Variants in EDARADD observed in about 807,000 individuals in gnomAD.
EDARADD encodes the protein EDAR associated via death domain.
EDARADD carries 20 observed loss-of-function variants against 25.6 expected under a neutral mutation model. The ratio of observed to expected loss-of-function variants is 0.78; its 90% CI spans 0.55 to 1.14. The LOEUF (loss-of-function observed/expected upper bound fraction) is 1.14, where lower values mean the gene tolerates loss of function less well. EDARADD is among the 50% of genes most tolerant of loss of function. EDARADD has a pLI of 0.00. For synonymous variants in EDARADD, 86 were observed against 94.4 expected, an observed-to-expected ratio of 0.91 and a Z score of 0.52; for missense variants, 225 against 270.1, an observed-to-expected ratio of 0.83 and a Z score of 1.17.
At chr1:236,405,881 CTTTCTTTCTTTCTTTCTTTCT>C (rs1667719809) in intron 1 of EDARADD, among the ~76,000 whole-genome samples, 4 of 34,432 alleles carry the variant, frequency 1.2e-4, no homozygotes, top group African/African-American at 3.7e-4. Flanking sequence ...TTCCTTCTTT[CTTTCTTTCTTTCTTTCTTTCT>C]TTCTTTCTTT....
chr1:236,365,414 G>A (rs1324397544), intron 3 of EDARADD, among the ~76,000 whole-genome samples: 1 of 152,122 alleles, frequency 6.6e-6, no homozygotes, highest in Non-Finnish European at 1.5e-5. Context: ...TCCAGCCTTG[G>A]CTTCCCAAAG....
At chr1:236,437,990 C>T (rs190504113) in intron 4 of EDARADD, among the ~76,000 whole-genome samples, 2 of 152,240 alleles carry the variant, frequency 1.3e-5, no homozygotes, top group Admixed American at 1.3e-4. Flanking sequence ...TCAGGTGATC[C>T]GCCCACCTTG....
intron 5 of EDARADD, among the ~76,000 whole-genome samples, chr1:236,476,689 C>A (rs1051332904): frequency 1.3e-5 from 2 of 152,100 alleles, no homozygotes; most frequent in African/African-American, 4.8e-5. Flanking sequence ...CCACACCCGG[C>A]TAATTTTGTA....
chr1:236,373,694 C>G (rs1194597671), intron 3 of EDARADD, among the ~76,000 whole-genome samples: 1 of 151,916 alleles, frequency 6.6e-6, no homozygotes, highest in Admixed American at 6.6e-5. Flanking sequence ...CTTCTCTTCT[C>G]CTTTCTTTGG....
intron 4 of EDARADD, among the ~76,000 whole-genome samples, chr1:236,443,852 A>G (rs553062069): frequency 7.9e-5 from 12 of 152,336 alleles, no homozygotes; most frequent in East Asian, 1.9e-4. Context: ...TCAATTTGGA[A>G]AGAGTATCTA....
chr1:236,367,983 C>A (rs1371260691), intron 3 of EDARADD, among the ~76,000 whole-genome samples: 1 of 151,956 alleles, frequency 6.6e-6, no homozygotes, highest in Non-Finnish European at 1.5e-5. Context: ...GTGGTGTACA[C>A]CTGTAGTGCC....
intron 1 of EDARADD, among the ~76,000 whole-genome samples, chr1:236,405,790 T>TTTTCTTTCTTTCTTTCTTTC (rs1667707659): frequency 2.8e-4 from 14 of 49,584 alleles, no homozygotes; most frequent in African/African-American, 9.4e-4. Context: ...TCTTTCTTTC[T>TTTTCTTTCTTTCTTTCTTTC]TTTCTTTTTC....
intron 5 of EDARADD, among the ~76,000 whole-genome samples, chr1:236,470,272 A>T (rs1452601611): frequency 6.6e-6 from 1 of 152,220 alleles, no homozygotes; most frequent in Admixed American, 6.5e-5. Flanking sequence ...CTAAAAGGTT[A>T]ACTGTGGTTG....
chr1:236,471,968 C>T lies in EDARADD; in HGVS notation c.265+3692C>T, dbSNP rs544064386. ...GTTAATTGACCCATATTTTATAACCCGCCAGCCATGAACTTACAAGTTAGA... is the reference window on the plus strand; with the variant it reads ...GTTAATTGACCCATATTTTATAACCTGCCAGCCATGAACTTACAAGTTAGA... On this transcript the variant is annotated intron_variant, in intron 5 of 5. Coordinates refer to ENST00000334232, the MANE Select transcript of EDARADD (RefSeq NM_145861.4). Among the ~76,000 whole-genome samples, 44 of 152,274 alleles carry T rather than the reference C, an allele frequency of 2.9e-4. No homozygotes were observed. The South Asian group carries it at 7.9e-3, about 27-fold the overall frequency.
chr1:236,481,059 C>G (rs922410391), intron 5 of EDARADD, among the ~76,000 whole-genome samples: 3 of 146,758 alleles, frequency 2.0e-5, no homozygotes, highest in African/African-American at 7.3e-5. Context: ...CATAAGGGGG[C>G]CATAAATTTA....
At position 236,395,267 on chromosome 1, in the gene EDARADD, A is replaced by G; in HGVS notation, c.61+762A>G. The G allele has an allele frequency of 1.2e-6, 1 of 864,424 alleles. No homozygotes were observed. The highest frequency in any genetic ancestry group is 1.5e-6 in the Non-Finnish European group (1 of 673,720). 53.5% of individuals were successfully genotyped at this position (864,424 alleles called of 1,614,324 possible). A position where few individuals can be genotyped will look rare whatever the true frequency, so the allele number is the denominator to read the frequency against. ...AGGACCCGCCCAGGGGGACGTGGGT[A>G]CCGGGCAGGACGCGCGCTCTGGGCG... On this transcript the variant is annotated intron_variant, in intron 1 of 5. Coordinates refer to ENST00000334232, the MANE Select transcript of EDARADD (RefSeq NM_145861.4). The surrounding 1 kb of genome is among the most constrained non-coding windows in gnomAD (Gnocchi z 6.9).
chr1:236,413,418 T>C (rs1301746943), intron 2 of EDARADD, among the ~76,000 whole-genome samples: 1 of 152,156 alleles, frequency 6.6e-6, no homozygotes, highest in African/African-American at 2.4e-5. Context: ...TTTCTTTCTC[T>C]CTCTCCTCTC....
intron 5 of EDARADD, among the ~76,000 whole-genome samples, chr1:236,468,988 C>T (rs574865128): frequency 4.6e-5 from 7 of 152,306 alleles, no homozygotes; most frequent in African/African-American, 1.4e-4. Flanking sequence ...CTTAGGTAGC[C>T]AAAGGAGCCC....
At chr1:236,393,292 G>A (rs528876556), upstream of EDARADD, among the ~76,000 whole-genome samples, 98 of 151,132 alleles carry the variant, frequency 6.5e-4, no homozygotes, top group African/African-American at 2.3e-3. Flanking sequence ...GAGCAGTGAA[G>A]TTATGGAAAT....
chr1:236,476,435 C>T (rs1196080132), intron 5 of EDARADD, among the ~76,000 whole-genome samples: 1 of 151,962 alleles, frequency 6.6e-6, no homozygotes, highest in Non-Finnish European at 1.5e-5. Context: ...CCTGTAATCC[C>T]AGCACTTCGG....
intron 3 of EDARADD, among the ~76,000 whole-genome samples, chr1:236,382,387 A>T (rs1667311814): frequency 6.6e-6 from 1 of 152,132 alleles, no homozygotes. Context: ...GAACCCATGG[A>T]CTACAGTTAC....
chr1:236,473,886 A>C (rs1455432135), intron 5 of EDARADD, among the ~76,000 whole-genome samples: 1 of 152,102 alleles, frequency 6.6e-6, no homozygotes, highest in Non-Finnish European at 1.5e-5. Context: ...CCTCCCCTTC[A>C]GCCTCCTGAG....
intron 4 of EDARADD, among the ~76,000 whole-genome samples, chr1:236,429,481 C>G (rs946899508): frequency 7.9e-5 from 12 of 151,906 alleles, no homozygotes; most frequent in African/African-American, 2.9e-4. Flanking sequence ...AGGTTCACGC[C>G]ATTCTCCTGC....
chr1:236,459,164 G>A (rs1658968159), intron 4 of EDARADD, among the ~76,000 whole-genome samples: 2 of 152,040 alleles, frequency 1.3e-5, no homozygotes, highest in African/African-American at 4.8e-5. Flanking sequence ...CCGTGTTCTA[G>A]CATTACTTCT....
Sources: allele counts gnomAD v4.1 joint callset (sites outside exome capture counted in the v4.1 genomes callset), GRCh38; gene constraint gnomAD v4.1.1; non-coding constraint Gnocchi (gnomAD v3.1); transcripts MANE v1.5; gene names NCBI Gene and HGNC (gene_info 2026-07-23, HGNC 2026-07-21).